Variants in ZSCAN18 observed in about 807,000 individuals in gnomAD.
The protein encoded by ZSCAN18 is zinc finger and SCAN domain containing 18.
ZSCAN18 carries 16 observed loss-of-function variants against 31.1 expected under a neutral mutation model. The observed-to-expected ratio is 0.51, with a 90% CI of 0.35 to 0.78. The LOEUF is 0.78. ZSCAN18 is among the 30% of genes least tolerant of loss of function. The probability of loss-of-function intolerance (pLI) is 0.01; values close to 1 mark genes in which losing one functional copy is unlikely to be tolerated. For missense variants in ZSCAN18, 731 were observed against 697.4 expected (o/e 1.05, Z -0.54); for synonymous variants, 375 against 320.7 (o/e 1.17, Z -1.81).
intron 6 of ZSCAN18, 118 bp from the exon 7 acceptor site, chr19:58,085,497 G>A: frequency 2.2e-6 from 2 of 909,036 alleles, no homozygotes; most frequent in Non-Finnish European, 3.2e-6. Flanking sequence ...GATCCCCGCG[G>A]GGCTCACGGC....
upstream of ZSCAN18, chr19:58,098,409 T>C (rs1465907348): frequency 3.1e-6 from 3 of 983,462 alleles, no homozygotes; most frequent in African/African-American, 3.5e-5. Flanking sequence ...CCTGCGTCAT[T>C]TTGGGCACCA....
chr19:58,116,777 T>C (rs777131348), intron 1 of ZSCAN18, among the ~76,000 whole-genome samples: 47 of 152,182 alleles, frequency 3.1e-4, no homozygotes, highest in Admixed American at 1.4e-3. Context: ...AGAGGACAGA[T>C]GTGACCTGAC....
chr19:58,090,285 G>A lies in ZSCAN18; in HGVS notation c.-18C>T, dbSNP rs1280278133. ...GGCAACATCTTTCCAAAACGGCACT[G>A]GAAAATGTGACTGTCTAGCCAGGGA... On this transcript the variant is annotated 5_prime_UTR_variant, in exon 2 of 7. Transcript: ENST00000601144. The surrounding 1 kb of genome is among the most constrained non-coding windows in gnomAD (Gnocchi z 4.7). 1.4e-5 allele frequency: 22 copies of A among 1,613,504 alleles called. No individual in the cohort carries two copies. The highest frequency in any genetic ancestry group is 1.9e-5 in the Non-Finnish European group (22 of 1,180,024).
chr19:58,101,568 G>C (rs2074595430), upstream of ZSCAN18, among the ~76,000 whole-genome samples: 1 of 145,090 alleles, frequency 6.9e-6, no homozygotes, highest in African/African-American at 2.6e-5. Flanking sequence ...CACCCAGGTT[G>C]GAGTGCAGTG....
intron 1 of ZSCAN18, chr19:58,108,802 T>C: frequency 2.0e-6 from 2 of 986,164 alleles, no homozygotes; most frequent in Non-Finnish European, 2.4e-6. Context: ...CTAAGGTGTG[T>C]AGAAAGGCTG....
rs1197684667 is a variant in ZSCAN18, at chr19:58,090,348, G to C, written c.-81C>G. 6.2e-7 allele frequency: 1 copy of C among 1,602,774 alleles called. No individual in the cohort carries two copies. Reference sequence around the variant, plus strand: ...AAAGGAGAGGTGCCAGGGATGACCAGATGCCCAGTGGGCTCAGGTGGTGCC... The same window carrying C: ...AAAGGAGAGGTGCCAGGGATGACCACATGCCCAGTGGGCTCAGGTGGTGCC... On this transcript the variant is annotated 5_prime_UTR_variant, in exon 2 of 7. In the 5' UTR this introduces an upstream ATG that the reference lacks. Coordinates refer to ENST00000601144, the MANE Select transcript of ZSCAN18 (RefSeq NM_001145543.2). This position sits in a 1 kb window ranked among gnomAD's most constrained non-coding sequence, Gnocchi z 4.7.
intron 1 of ZSCAN18, among the ~76,000 whole-genome samples, chr19:58,117,407 C>G (rs980315729): frequency 6.6e-6 from 1 of 151,922 alleles, no homozygotes; most frequent in Non-Finnish European, 1.5e-5. Flanking sequence ...GGAGTCAGAA[C>G]CCAGCAGGGA....
In ZSCAN18 at chr19:58,087,118, C is replaced by T; in HGVS notation, c.643-110G>A. The T allele has an allele frequency of 3.8e-6, 4 of 1,063,242 alleles. No homozygotes were observed. In the South Asian group the frequency reaches 6.0e-5, roughly 16 times the overall value. 65.9% of individuals were successfully genotyped at this position (1,063,242 alleles called of 1,614,324 possible). On this transcript the variant is annotated intron_variant, in intron 4 of 6. Transcript: ENST00000601144. ...TAGGAGCCAGCCCTGGCCAGGGACT[C>T]TAACCCAGGTGCACTGCAGGAGGCA...
At chr19:58,114,388 T>TATGG (rs767840070) in intron 1 of ZSCAN18, among the ~76,000 whole-genome samples, 3 of 152,248 alleles carry the variant, frequency 2.0e-5, no homozygotes, top group South Asian at 2.1e-4. Flanking sequence ...GATACAGTAT[T>TATGG]ATGGTTATGC....
At position 58,088,651 on chromosome 19, in the gene ZSCAN18, G is replaced by A. The variant is rs200888439; in HGVS notation, c.553+37C>T. 3.9e-5 allele frequency: 62 copies of A among 1,596,180 alleles called. No homozygotes were observed. The Admixed American group carries it at 8.9e-4, about 23-fold the overall frequency. On this transcript the variant is annotated intron_variant, in intron 3 of 6. Coordinates refer to ENST00000601144, the MANE Select transcript of ZSCAN18 (RefSeq NM_001145543.2). ...GGCCTCTGCCCAACACCCCACCTAA[G>A]GCCCAGCAGAGGCTGCCAGGCTAGC...
intron 6 of ZSCAN18, chr19:58,085,624 G>A (rs2074263199): frequency 1.9e-6 from 1 of 522,660 alleles, no homozygotes; most frequent in Non-Finnish European, 3.3e-6. Flanking sequence ...AGGACAGGAA[G>A]GACAGCCCCA....
In ZSCAN18 at chr19:58,085,045, G is replaced by C; in HGVS notation, c.1173C>G (p.Ser391Arg). ...SLEGVSSSGD[S>R]AGLEAGQGPG... ...GGCCCTGCCCGGCCTCCAGCCCTGC[G>C]CTGTCGCCGGAGCTAGAGACGCCCT... is the stretch of plus-strand genomic sequence containing the variant. The change falls in exon 7 of 7, where the codon AGC (serine) becomes AGG (arginine). Residue 391 changes from serine (S) to arginine (R), a missense_variant. Coordinates refer to ENST00000601144, the MANE Select transcript of ZSCAN18 (RefSeq NM_001145543.2). 6.3e-7 allele frequency: 1 copy of C among 1,595,968 alleles called. No individual in the cohort carries two copies. Among genetic ancestry groups the C allele is most frequent in the South Asian group, 1.1e-5 (1 of 88,700 alleles).
At chr19:58,109,472 G>A (rs1327038333) in intron 1 of ZSCAN18, among the ~76,000 whole-genome samples, 3 of 152,176 alleles carry the variant, frequency 2.0e-5, no homozygotes, top group South Asian at 2.1e-4. Context: ...CAAAAGAAAT[G>A]TGTATGTATG....
chr19:58,102,011 ATAT>A (rs1250230796), upstream of ZSCAN18, among the ~76,000 whole-genome samples: 25 of 152,244 alleles, frequency 1.6e-4, 1 homozygote, highest in Admixed American at 1.3e-3. Context: ...GCTTCCAGGC[ATAT>A]TATGTTTTCT....
chr19:58,112,617 C>T (rs1436031688), intron 1 of ZSCAN18, among the ~76,000 whole-genome samples: 1 of 149,744 alleles, frequency 6.7e-6, no homozygotes, highest in Non-Finnish European at 1.5e-5. Context: ...CACCACTGCA[C>T]TCCAGCCTGG....
At chr19:58,087,936 G>T in intron 3 of ZSCAN18, 1 of 157,594 alleles carries the variant, frequency 6.3e-6, no homozygotes, top group Non-Finnish European at 1.4e-5. Flanking sequence ...CACTGTGCCT[G>T]GCCTTCGTGG....
intron 1 of ZSCAN18, chr19:58,107,512 G>T: frequency 3.2e-6 from 1 of 310,456 alleles, no homozygotes; most frequent in Non-Finnish European, 4.7e-6. Flanking sequence ...AGGGAGCTGA[G>T]ATCACACTAC....
chr19:58,118,356 G>A (rs1288731249), exon 1 of ZSCAN18: 3 of 1,533,360 alleles, frequency 2.0e-6, no homozygotes, highest in East Asian at 2.6e-5. Flanking sequence ...ACTTCCCGCC[G>A]CCGTAGCGTC....
intron 1 of ZSCAN18, among the ~76,000 whole-genome samples, chr19:58,091,089 G>GT (rs2074400942): frequency 2.0e-5 from 3 of 151,028 alleles, no homozygotes; most frequent in Admixed American, 2.0e-4. Flanking sequence ...GACCAACCTG[G>GT]TGAAACCCCG....
Sources: gnomAD v4.1 joint callset for allele counts (sites outside exome capture counted in the v4.1 genomes callset) on GRCh38, gnomAD v4.1.1 for gene constraint, Gnocchi (gnomAD v3.1) non-coding constraint, MANE v1.5 for transcripts, NCBI Gene and HGNC (gene_info 2026-07-23, HGNC 2026-07-21) for gene names.